Variants in RBFOX1 observed in about 807,000 individuals in gnomAD.
The protein encoded by RBFOX1 is RNA binding protein fox-1 homolog 1.
Under a neutral mutation model 57.7 loss-of-function variants are expected in RBFOX1, and 8 were observed. That is an observed-to-expected ratio of 0.14 (90% CI 0.08 to 0.25). The LOEUF (loss-of-function observed/expected upper bound fraction) is 0.25. Among genes scored for constraint, RBFOX1 ranks in the 10% least tolerant of loss-of-function variants. RBFOX1 has a pLI of 1.00. For missense variants in RBFOX1, 611 were observed against 548.5 expected (o/e 1.11, Z -1.14); for synonymous variants, 326 against 222.4 (o/e 1.47, Z -4.15).
At chr16:7,187,907 A>C (rs753847453) in intron 4 of RBFOX1, among the ~76,000 whole-genome samples, 6 of 152,146 alleles carry the variant, frequency 3.9e-5, no homozygotes, top group African/African-American at 1.4e-4. Flanking sequence ...CAAGTGAACA[A>C]AGTGGTTTCC....
At chr16:7,174,705 G>T (rs1012079816) in intron 4 of RBFOX1, among the ~76,000 whole-genome samples, 8 of 152,172 alleles carry the variant, frequency 5.3e-5, no homozygotes, top group African/African-American at 1.7e-4. Context: ...ACTTGAACGC[G>T]AGAGGCGGAG....
intron 4 of RBFOX1, chr16:7,423,046 C>T (rs548446473): frequency 4.0e-5 from 6 of 151,506 alleles, no homozygotes; most frequent in Non-Finnish European, 8.8e-5. Flanking sequence ...TATCTCTTCC[C>T]TTCGGGGATT....
intron 2 of RBFOX1, among the ~76,000 whole-genome samples, chr16:6,397,318 A>G (rs770311708): frequency 6.6e-6 from 1 of 152,216 alleles, no homozygotes; most frequent in Admixed American, 6.5e-5. Flanking sequence ...CATTTCCTAC[A>G]TGGGGCATAG....
At chr16:5,467,357 G>C (rs558950572) in intron 2 of RBFOX1, 2 of 1,139,326 alleles carry the variant, frequency 1.8e-6, no homozygotes, top group South Asian at 2.8e-5. Flanking sequence ...CACTGCCCAG[G>C]GCAGACATCT....
intron 3 of RBFOX1, among the ~76,000 whole-genome samples, chr16:6,695,292 G>A (rs80144783): frequency 6.6e-6 from 1 of 151,588 alleles, no homozygotes; most frequent in Non-Finnish European, 1.5e-5. Flanking sequence ...GGTGGTGAGT[G>A]CCTGTAATAG....
At chr16:6,935,632 C>A (rs1482762205) in intron 3 of RBFOX1, among the ~76,000 whole-genome samples, 1 of 152,230 alleles carries the variant, frequency 6.6e-6, no homozygotes, top group African/African-American at 2.4e-5. Context: ...ACACGCTCCC[C>A]TACATACTTT....
chr16:6,684,676 G>C (rs1268864637), intron 3 of RBFOX1, among the ~76,000 whole-genome samples: 2 of 152,144 alleles, frequency 1.3e-5, no homozygotes. Flanking sequence ...AGTTGATCTG[G>C]AGCCCTAGAG....
chr16:7,229,605 G>T, intron 4 of RBFOX1, among the ~76,000 whole-genome samples: 1 of 138,882 alleles, frequency 7.2e-6, no homozygotes, highest in Non-Finnish European at 1.6e-5. Flanking sequence ...AAGGAAGGAA[G>T]GAAGGAGAAG....
chr16:7,140,156 C>CT lies in RBFOX1; in HGVS notation c.27+88058_27+88059insT, dbSNP rs1491344673. On this transcript the variant is annotated intron_variant, in intron 4 of 15. Transcript: ENST00000550418. ...TCATTCTCTTATTCTCTCCTTCTCT[C>CT]CCTCTCTCTCTCTCTCTCTCTCTCT... Among the ~76,000 whole-genome samples, 670 of 119,760 alleles carry CT rather than the reference C, an allele frequency of 5.6e-3. 17 individuals are homozygous for CT. The highest frequency in any genetic ancestry group is 0.022 in the African/African-American group (455 of 20,632). 78.6% of individuals were successfully genotyped at this position (119,760 alleles called of 152,430 possible). A position where few individuals can be genotyped will look rare whatever the true frequency, so the allele number is the denominator to read the frequency against.
At chr16:5,876,532 C>A (rs962949420) in intron 4 of RBFOX1, among the ~76,000 whole-genome samples, 1 of 152,130 alleles carries the variant, frequency 6.6e-6, no homozygotes, top group Non-Finnish European at 1.5e-5. Context: ...AGAAAAATCT[C>A]ATCTCTCCTC....
intron 2 of RBFOX1, among the ~76,000 whole-genome samples, chr16:5,539,476 A>AC (rs397731563): frequency 4.7e-4 from 71 of 151,634 alleles, no homozygotes; most frequent in African/African-American, 1.5e-3. Context: ...ACAAAAAAAA[A>AC]CACTTGTAAT....
rs549299455 is a variant in RBFOX1 at position 5,360,892 on chromosome 16, G to C, written c.220-106324G>C. 2.0e-5 allele frequency among the ~76,000 whole-genome samples: 3 copies of C among 152,274 alleles called. No homozygotes were observed. The South Asian group carries it at 6.2e-4, about 32-fold the overall frequency. ...ATAGCATGAACCTGCTTTCCCAGCA[G>C]CACAAGCACATCAAGAGGGAGATCT... On this transcript the variant is annotated intron_variant, in intron 1 of 2. Coordinates refer to the RBFOX1 transcript ENST00000585867.
In RBFOX1 at chr16:6,842,355, C is replaced by T. The variant is rs564523383; in HGVS notation, c.-16+187705C>T. On this transcript the variant is annotated intron_variant, in intron 3 of 15. Coordinates refer to ENST00000550418, the MANE Select transcript of RBFOX1 (RefSeq NM_018723.4). ...ATACACATCTTTGGAAAGACAAATACTTTGTGCACATATAGAGAAGAAATG... is the reference window on the plus strand; with the variant it reads ...ATACACATCTTTGGAAAGACAAATATTTTGTGCACATATAGAGAAGAAATG... Among the ~76,000 whole-genome samples the T allele has an allele frequency of 2.8e-3, 433 of 152,106 alleles. 2 individuals are homozygous for T. The highest frequency in any genetic ancestry group is 9.9e-3 in the African/African-American group (411 of 41,510).
At chr16:6,939,199 T>A (rs72774205) in intron 3 of RBFOX1, among the ~76,000 whole-genome samples, 17,131 of 152,192 alleles carry the variant, frequency 0.11, 1,183 homozygotes, top group East Asian at 0.17. Context: ...AAAAATAATT[T>A]ATTAGGTTTT....
intron 1 of RBFOX1, among the ~76,000 whole-genome samples, chr16:5,254,182 G>A (rs528506106): frequency 1.3e-5 from 2 of 152,294 alleles, no homozygotes; most frequent in South Asian, 4.2e-4. Context: ...TGAGGCTCAG[G>A]AACATTATGT....
At chr16:6,788,140 T>A (rs1039614653) in intron 3 of RBFOX1, among the ~76,000 whole-genome samples, 1 of 152,130 alleles carries the variant, frequency 6.6e-6, no homozygotes, top group Non-Finnish European at 1.5e-5. Context: ...GAGAACCGCT[T>A]GAACCTGGGA....
rs550444162 is a variant in RBFOX1 at position 7,234,375 on chromosome 16, T to A, written c.27+182277T>A. ...TCTATTTGGTTTTGGTTCCACCCCTTTGCCAGCAAAACCACAAAGTGGGAA... is the reference window on the plus strand; with the variant it reads ...TCTATTTGGTTTTGGTTCCACCCCTATGCCAGCAAAACCACAAAGTGGGAA... On this transcript the variant is annotated intron_variant, in intron 4 of 15. Transcript: ENST00000550418. Among the ~76,000 whole-genome samples the A allele has an allele frequency of 4.6e-5, 7 of 152,180 alleles. 1 individual carries two copies. In the South Asian group the frequency reaches 1.0e-3, roughly 23 times the overall value.
intron 3 of RBFOX1, among the ~76,000 whole-genome samples, chr16:6,823,410 C>G (rs1340801945): frequency 6.6e-6 from 1 of 152,092 alleles, no homozygotes; most frequent in Non-Finnish European, 1.5e-5. Context: ...ATGTGCGCCA[C>G]CACACCTGGC....
At chr16:5,963,921 A>G (rs965091304) in intron 4 of RBFOX1, among the ~76,000 whole-genome samples, 1 of 152,210 alleles carries the variant, frequency 6.6e-6, no homozygotes, top group East Asian at 1.9e-4. Context: ...GAGAGCAGAA[A>G]GTTTTTGCAT....
Sources: gnomAD v4.1 joint callset for allele counts (sites outside exome capture counted in the v4.1 genomes callset) on GRCh38, gnomAD v4.1.1 for gene constraint, MANE v1.5 for transcripts, NCBI Gene and HGNC (gene_info 2026-07-23, HGNC 2026-07-21) for gene names.